The following PRPF18 variants were observed in gnomAD, a reference collection of about 807,000 sequenced individuals.
The protein encoded by PRPF18 is pre-mRNA processing factor 18.
Under a neutral mutation model 46.5 loss-of-function variants are expected in PRPF18, and 38 were observed. The ratio of observed to expected loss-of-function variants is 0.82; its 90% CI spans 0.63 to 1.07. PRPF18 has a LOEUF of 1.07. Among genes scored for constraint, PRPF18 ranks in the 50% least tolerant of loss-of-function variants. The pLI, the probability that PRPF18 is intolerant of heterozygous loss-of-function variation, is 0.00. For missense variants in PRPF18, 263 were observed against 410.0 expected (o/e 0.64, Z 3.10); for synonymous variants, 152 against 146.7 (o/e 1.04, Z -0.26).
At chr10:13,598,290 A>G (rs1201941232) in intron 2 of PRPF18, among the ~76,000 whole-genome samples, 1 of 152,222 alleles carries the variant, frequency 6.6e-6, no homozygotes, top group African/African-American at 2.4e-5. Flanking sequence ...GACTATATCT[A>G]GCTTAATTTT....
At chr10:13,636,689 C>T in the PRPF18 span, among the ~76,000 whole-genome samples, 2 of 152,136 alleles carry the variant, frequency 1.3e-5, no homozygotes, top group Non-Finnish European at 2.9e-5. Flanking sequence ...AAGTAACTAG[C>T]GCCCCAATCA....
chr10:13,599,487 A>G (rs1283679773), intron 2 of PRPF18, among the ~76,000 whole-genome samples: 1 of 152,164 alleles, frequency 6.6e-6, no homozygotes, highest in East Asian at 1.9e-4. Context: ...TATCTTTTTT[A>G]TAGACTCCAC....
At chr10:13,623,509 G>A (rs868789350) in intron 9 of PRPF18, among the ~76,000 whole-genome samples, 2 of 152,132 alleles carry the variant, frequency 1.3e-5, no homozygotes, top group South Asian at 2.1e-4. Context: ...ACCACTAAAT[G>A]GATTTGTGCT....
chr10:13,636,878 A>G, the PRPF18 span: 1 of 152,240 alleles, frequency 6.6e-6, no homozygotes, highest in African/African-American at 2.4e-5. Flanking sequence ...TTACACAACC[A>G]TCACCACAGT....
the PRPF18 span, chr10:13,640,761 T>C: frequency 0.56 from 85,303 of 152,460 alleles, 24,285 homozygotes; most frequent in East Asian, 0.79. Flanking sequence ...CTGCCACACC[T>C]GCTGACAACC....
At chr10:13,597,659 G>T (rs769641921) in intron 2 of PRPF18, 124 bp downstream of exon 2, 3 of 1,603,226 alleles carry the variant, frequency 1.9e-6, no homozygotes, top group African/African-American at 1.3e-5. Flanking sequence ...TAAATGAGAA[G>T]CCATCTGGAG....
intron 9 of PRPF18, among the ~76,000 whole-genome samples, chr10:13,626,783 T>C (rs2080511908): frequency 6.8e-6 from 1 of 147,624 alleles, no homozygotes; most frequent in African/African-American, 2.5e-5. Flanking sequence ...ACTGCTATTA[T>C]TTGATACAAG....
In PRPF18 at chr10:13,597,451, T is replaced by A. The variant is rs1305430165; in HGVS notation, c.67-7T>A. The A allele has an allele frequency of 6.4e-7, 1 of 1,569,846 alleles. No homozygotes were observed. The highest frequency in any genetic ancestry group is 1.8e-5 in the Admixed American group (1 of 56,084). ...ATATTATTGACATAATTTATTTTCT[T>A]TAATAGGAAAATAAAAAATATTTCA... On this transcript the variant is annotated splice_polypyrimidine_tract_variant and splice_region_variant and intron_variant, in intron 1 of 9. Transcript: ENST00000378572.
chr10:13,645,662 T>G, the PRPF18 span: 3 of 152,578 alleles, frequency 2.0e-5, no homozygotes, highest in East Asian at 5.8e-4. Flanking sequence ...AGCTGATATT[T>G]TTTTCAACCC....
intron 9 of PRPF18, among the ~76,000 whole-genome samples, chr10:13,621,763 A>T (rs530351992): frequency 1.3e-4 from 20 of 152,338 alleles, no homozygotes; most frequent in African/African-American, 4.6e-4. Context: ...AGCTTTTGCT[A>T]TTACAAAAGG....
chr10:13,595,622 C>G (rs985797491), intron 1 of PRPF18, among the ~76,000 whole-genome samples: 1 of 152,194 alleles, frequency 6.6e-6, no homozygotes, highest in Non-Finnish European at 1.5e-5. Flanking sequence ...GTCACCTAAC[C>G]TAATTCTCAG....
intron 2 of PRPF18, among the ~76,000 whole-genome samples, chr10:13,599,794 A>G (rs546298025): frequency 2.0e-5 from 3 of 152,356 alleles, no homozygotes; most frequent in South Asian, 4.1e-4. Context: ...TAGAGCTTGA[A>G]GTTTCTCAGG....
chr10:13,615,380 A>T (rs988377949), intron 8 of PRPF18, among the ~76,000 whole-genome samples: 1 of 152,242 alleles, frequency 6.6e-6, no homozygotes, highest in African/African-American at 2.4e-5. Flanking sequence ...TAAATATTGC[A>T]GTTTTTATCA....
At chr10:13,622,953 C>T (rs902972026) in intron 9 of PRPF18, among the ~76,000 whole-genome samples, 2 of 152,178 alleles carry the variant, frequency 1.3e-5, no homozygotes, top group Admixed American at 1.3e-4. Flanking sequence ...AATCCCAGCA[C>T]TTTGGGAGGC....
At chr10:13,651,743 C>T in the PRPF18 span, 1 of 620,062 alleles carries the variant, frequency 1.6e-6, no homozygotes. Context: ...GATGTAAGAA[C>T]CTTCAGCTAA....
At position 13,587,148 on chromosome 10, in the gene PRPF18, T is replaced by C; in HGVS notation, c.62T>C (p.Leu21Pro). The change falls in exon 1 of 10, where the codon CTG becomes CCG. Residue 21 changes from leucine (L) to proline (P), a missense_variant. By Grantham distance (98) the Leu-to-Pro change is moderately conservative. Transcript: ENST00000378572. ...CAGCTGGTGGAGGACAGGAACCTGC[T>C]GGTGGTGAGGACCCTGCGGTCGTGG... Reference protein sequence around the residue: ...KRQLVEDRNLLVENKKYFKRS... With the variant: ...KRQLVEDRNLPVENKKYFKRS... 6.2e-7 allele frequency: 1 copy of C among 1,613,376 alleles called. No individual in the cohort carries two copies.
chr10:13,654,370 C>T, the PRPF18 span: 3 of 1,188,748 alleles, frequency 2.5e-6, no homozygotes, highest in African/African-American at 3.1e-5. Flanking sequence ...ACGTCTATGA[C>T]ACTCTTTCGA....
At chr10:13,598,784 TG>T (rs1299658944) in intron 2 of PRPF18, among the ~76,000 whole-genome samples, 1 of 152,202 alleles carries the variant, frequency 6.6e-6, no homozygotes, top group Non-Finnish European at 1.5e-5. Context: ...ACACTTGGTC[TG>T]GAATAAGAAT....
the PRPF18 span, chr10:13,652,009 G>A: frequency 8.7e-7 from 1 of 1,152,764 alleles, no homozygotes; most frequent in Non-Finnish European, 1.3e-6. Context: ...GAAGAGAAGA[G>A]AGGTCATGTT....
Sources: allele counts gnomAD v4.1 joint callset (sites outside exome capture counted in the v4.1 genomes callset), GRCh38; gene constraint gnomAD v4.1.1; transcripts MANE v1.5; gene names NCBI Gene and HGNC (gene_info 2026-07-23, HGNC 2026-07-21).